Variants in ZNF385D observed in about 807,000 individuals in gnomAD.
ZNF385D encodes the protein zinc finger protein 385D.
ZNF385D carries 15 observed loss-of-function variants against 35.8 expected under a neutral mutation model. The ratio of observed to expected loss-of-function variants is 0.42; its 90% CI spans 0.28 to 0.64. The LOEUF is 0.64. ZNF385D is among the 30% of genes least tolerant of loss of function. ZNF385D has a pLI of 0.23. For synonymous variants in ZNF385D, 212 were observed against 186.8 expected (o/e 1.13, Z -1.10); for missense variants, 474 against 494.6 (o/e 0.96, Z 0.39).
chr3:22,340,921 C>T (rs964052089), intron 2 of ZNF385D, among the ~76,000 whole-genome samples: 1 of 152,202 alleles, frequency 6.6e-6, no homozygotes, highest in Non-Finnish European at 1.5e-5. Flanking sequence ...GGACATCTTT[C>T]CTTTGTATAT....
rs938208026 is a variant in ZNF385D at position 21,786,546 on chromosome 3, T to A, written c.326-121518A>T. Among the ~76,000 whole-genome samples, 11 of 152,320 alleles carry A rather than the reference T, an allele frequency of 7.2e-5. No individual in the cohort carries two copies. The South Asian group carries it at 2.3e-3, about 32-fold the overall frequency. The stretch of plus-strand genomic sequence containing the variant: ...CAGTGCCCTGAAACCACGTAGCTTT[T>A]CTTAGTACATTATCTTTGAATCAAT... On this transcript the variant is annotated intron_variant, in intron 3 of 5. Coordinates refer to the ZNF385D transcript ENST00000494108.
chr3:21,759,815 G>C (rs2070519847), intron 3 of ZNF385D, among the ~76,000 whole-genome samples: 1 of 152,128 alleles, frequency 6.6e-6, no homozygotes, highest in Non-Finnish European at 1.5e-5. Flanking sequence ...ATGATAAATT[G>C]AGTGCAGCTC....
At chr3:22,008,344 T>C (rs1241955928) in intron 3 of ZNF385D, among the ~76,000 whole-genome samples, 4 of 145,522 alleles carry the variant, frequency 2.7e-5, no homozygotes, top group Admixed American at 6.9e-5. Context: ...ATCACTTTCA[T>C]ACAGGCCATG....
upstream of ZNF385D, among the ~76,000 whole-genome samples, chr3:21,754,257 A>G (rs183844724): frequency 5.3e-4 from 80 of 152,256 alleles, no homozygotes; most frequent in African/African-American, 1.8e-3. Context: ...GCTGTGCCTG[A>G]GAGATGCTTT....
chr3:22,108,272 C>G (rs1576333826), intron 3 of ZNF385D, among the ~76,000 whole-genome samples: 1 of 152,078 alleles, frequency 6.6e-6, no homozygotes, highest in Non-Finnish European at 1.5e-5. Flanking sequence ...TCATTTTAAT[C>G]CACAATTTTG....
intron 3 of ZNF385D, among the ~76,000 whole-genome samples, chr3:21,916,065 A>C (rs10510521): frequency 0.54 from 81,324 of 151,986 alleles, 23,821 homozygotes; most frequent in South Asian, 0.66. Context: ...TGTACTCCAA[A>C]ATGAAAAAGG....
intron 3 of ZNF385D, among the ~76,000 whole-genome samples, chr3:21,867,984 C>A (rs1559706437): frequency 1.3e-5 from 2 of 152,176 alleles, no homozygotes. Flanking sequence ...CAGCCTTAAA[C>A]AAGAAACTGA....
chr3:21,781,997 T>C (rs2071508629), intron 3 of ZNF385D, among the ~76,000 whole-genome samples: 2 of 152,108 alleles, frequency 1.3e-5, no homozygotes, highest in African/African-American at 4.8e-5. Flanking sequence ...TTCACTTTCA[T>C]GGCTTTCCCG....
chr3:21,574,394 A>G (rs896581627), intron 2 of ZNF385D, among the ~76,000 whole-genome samples: 37 of 152,144 alleles, frequency 2.4e-4, no homozygotes, highest in Admixed American at 2.0e-4. Context: ...TAATTGGGGT[A>G]AGACCTATAA....
At chr3:21,551,401 G>A (rs1420815057) in intron 3 of ZNF385D, among the ~76,000 whole-genome samples, 3 of 152,166 alleles carry the variant, frequency 2.0e-5, no homozygotes, top group Admixed American at 6.5e-5. Flanking sequence ...TTAGGAGTAT[G>A]TCTCTTCTAC....
At chr3:22,299,741 A>C (rs1702794134) in intron 2 of ZNF385D, among the ~76,000 whole-genome samples, 1 of 151,970 alleles carries the variant, frequency 6.6e-6, no homozygotes, top group South Asian at 2.1e-4. Context: ...TAAAATTCTT[A>C]GGAATAAATT....
At chr3:22,145,911 A>G (rs1704822703) in intron 3 of ZNF385D, among the ~76,000 whole-genome samples, 1 of 152,072 alleles carries the variant, frequency 6.6e-6, no homozygotes, top group Admixed American at 6.6e-5. Context: ...AGAGAAATGA[A>G]TCATTTTCCC....
chr3:21,899,899 CTT>C (rs920202373), intron 3 of ZNF385D, among the ~76,000 whole-genome samples: 4 of 152,080 alleles, frequency 2.6e-5, no homozygotes, highest in African/African-American at 9.7e-5. Context: ...AATGGAACAA[CTT>C]TAACTAATAA....
chr3:21,588,201 A>G (rs1156779749), intron 2 of ZNF385D, among the ~76,000 whole-genome samples: 4 of 152,134 alleles, frequency 2.6e-5, no homozygotes, highest in African/African-American at 9.7e-5. Context: ...AAGGGAGGAA[A>G]TAATGTTGTT....
At chr3:22,176,426 T>C (rs1239295813) in intron 2 of ZNF385D, among the ~76,000 whole-genome samples, 1 of 152,204 alleles carries the variant, frequency 6.6e-6, no homozygotes, top group African/African-American at 2.4e-5. Flanking sequence ...TAGGAACATC[T>C]TACTTTTATG....
chr3:21,831,503 G>A (rs1694984124), intron 3 of ZNF385D, among the ~76,000 whole-genome samples: 1 of 152,142 alleles, frequency 6.6e-6, no homozygotes, highest in Admixed American at 6.5e-5. Flanking sequence ...TAGTGGCGGT[G>A]CTCGAACTTA....
intron 4 of ZNF385D, among the ~76,000 whole-genome samples, chr3:21,445,452 A>C (rs1702096502): frequency 6.6e-6 from 1 of 152,126 alleles, no homozygotes; most frequent in African/African-American, 2.4e-5. Context: ...CTACAAGGTA[A>C]ATTGCCCTCT....
intron 2 of ZNF385D, among the ~76,000 whole-genome samples, chr3:22,335,025 G>A (rs1285005937): frequency 1.3e-5 from 2 of 152,118 alleles, no homozygotes; most frequent in African/African-American, 2.4e-5. Context: ...TATGAGCCAA[G>A]TATAGTGCCA....
At chr3:22,167,951 T>G (rs1293430902) in intron 3 of ZNF385D, among the ~76,000 whole-genome samples, 3 of 152,226 alleles carry the variant, frequency 2.0e-5, no homozygotes, top group Non-Finnish European at 4.4e-5. Context: ...ATTTCTACTT[T>G]AAGAATGTAC....
Sources: gnomAD v4.1 joint callset for allele counts (sites outside exome capture counted in the v4.1 genomes callset) on GRCh38, gnomAD v4.1.1 for gene constraint, MANE v1.5 for transcripts, NCBI Gene and HGNC (gene_info 2026-07-23, HGNC 2026-07-21) for gene names.